The following CADPS2 variants were observed in gnomAD, a reference collection of about 807,000 sequenced individuals.
The protein encoded by CADPS2 is calcium dependent secretion activator 2, also known as calcium-dependent secretion activator 2.
Under a neutral mutation model 172.5 loss-of-function variants are expected in CADPS2, and 93 were observed. The ratio of observed to expected loss-of-function variants is 0.54; its 90% CI spans 0.46 to 0.64. The LOEUF is 0.64. CADPS2 is among the 30% of genes least tolerant of loss of function. CADPS2 has a pLI of 0.00. For synonymous variants in CADPS2, 546 were observed against 555.2 expected, an observed-to-expected ratio of 0.98 and a Z score of 0.23; for missense variants, 1,420 against 1,565.9, an observed-to-expected ratio of 0.91 and a Z score of 1.57.
chr7:122,658,748 G>T (rs987363598), intron 3 of CADPS2, among the ~76,000 whole-genome samples: 1 of 152,250 alleles, frequency 6.6e-6, no homozygotes, highest in Non-Finnish European at 1.5e-5. Flanking sequence ...GTGGACGAGT[G>T]GGGAGGGGAT....
intron 9 of CADPS2, 30 bp downstream of exon 9, chr7:122,513,219 G>A: frequency 6.8e-7 from 1 of 1,465,262 alleles, no homozygotes; most frequent in Non-Finnish European, 9.4e-7. Flanking sequence ...CTATCTTAGA[G>A]TGATTATTTA....
At chr7:122,709,023 A>G (rs2088170430) in intron 2 of CADPS2, among the ~76,000 whole-genome samples, 1 of 152,104 alleles carries the variant, frequency 6.6e-6, no homozygotes, top group Non-Finnish European at 1.5e-5. Flanking sequence ...TGTTTGAGGC[A>G]GTGGTGAATA....
chr7:122,552,775 G>GTTTTTTTTT (rs61517518), intron 8 of CADPS2, among the ~76,000 whole-genome samples: 8 of 137,096 alleles, frequency 5.8e-5, no homozygotes, highest in African/African-American at 2.7e-5. Context: ...ATAGGTTCCT[G>GTTTTTTTTT]TTTTTTTTTT....
At chr7:122,582,436 T>C (rs1022231545) in intron 6 of CADPS2, among the ~76,000 whole-genome samples, 4 of 152,020 alleles carry the variant, frequency 2.6e-5, no homozygotes, top group Admixed American at 6.6e-5. Context: ...GTCTTTTTTT[T>C]TGAAATATCA....
chr7:122,775,129 C>A (rs1363022200), intron 1 of CADPS2, among the ~76,000 whole-genome samples: 1 of 152,092 alleles, frequency 6.6e-6, no homozygotes, highest in South Asian at 2.1e-4. Context: ...TATATTCATT[C>A]TGGGTACACC....
chr7:122,591,299 A>C (rs1587654842), intron 6 of CADPS2, among the ~76,000 whole-genome samples: 1 of 152,174 alleles, frequency 6.6e-6, no homozygotes, highest in African/African-American at 2.4e-5. Context: ...GGAACTCTTC[A>C]AAGAGAACTT....
chr7:122,447,854 G>A (rs2152011882), intron 15 of CADPS2, among the ~76,000 whole-genome samples: 1 of 152,080 alleles, frequency 6.6e-6, no homozygotes, highest in East Asian at 1.9e-4. Context: ...CACCCAGCCA[G>A]TTTCAGGGAT....
At chr7:122,330,858 T>C (rs2034814668) in intron 28 of CADPS2, 2 of 152,234 alleles carry the variant, frequency 1.3e-5, no homozygotes, top group Non-Finnish European at 2.9e-5. Flanking sequence ...TTTATGCTAC[T>C]ATTTGCTGGA....
Position 122,737,062 on chromosome 7 carries a change from T to G in CADPS2, c.346A>C (p.Lys116Gln). 6.3e-7 allele frequency: 1 copy of G among 1,576,980 alleles called. No homozygotes were observed. Among genetic ancestry groups the G allele is most frequent in the East Asian group, 2.2e-5 (1 of 44,598 alleles). The change falls in exon 2 of 30, where the codon AAA becomes CAA. Residue 116 changes from lysine to glutamine, a missense_variant. Coordinates refer to ENST00000449022, the MANE Select transcript of CADPS2 (RefSeq NM_017954.11). ...DMARRQQKLN[K>Q]QQLQLLKERF... ...TCTTTCAGTAACTGCAACTGTTGTT[T>G]GTTAAGCTACAAGAAAAAGAGAAAA...
At chr7:122,548,811 G>T (rs957310662) in intron 8 of CADPS2, among the ~76,000 whole-genome samples, 4 of 152,108 alleles carry the variant, frequency 2.6e-5, no homozygotes, top group African/African-American at 9.7e-5. Flanking sequence ...CTCAGACATG[G>T]TTCAAAGCCC....
chr7:122,517,509 G>GTTACCA, intron 8 of CADPS2, among the ~76,000 whole-genome samples: 1 of 152,046 alleles, frequency 6.6e-6, no homozygotes, highest in South Asian at 2.1e-4. Flanking sequence ...ACCATTTTGA[G>GTTACCA]TTACCATCAG....
chr7:122,661,408 T>G (rs996099110), intron 3 of CADPS2, among the ~76,000 whole-genome samples: 2 of 152,094 alleles, frequency 1.3e-5, no homozygotes, highest in African/African-American at 4.8e-5. Context: ...TATTTTAAGT[T>G]AATAACATAA....
chr7:122,337,270 T>C (rs982779268), intron 28 of CADPS2, among the ~76,000 whole-genome samples: 2 of 152,198 alleles, frequency 1.3e-5, no homozygotes, highest in African/African-American at 4.8e-5. Flanking sequence ...GGTGCCTGTT[T>C]AAGCCTCTGT....
chr7:122,880,670 C>T (rs1822675920), intron 1 of CADPS2, among the ~76,000 whole-genome samples: 1 of 152,182 alleles, frequency 6.6e-6, no homozygotes. Flanking sequence ...CCTTGGGGTA[C>T]AACCTGGATA....
At chr7:122,877,536 G>A (rs1821513257) in intron 1 of CADPS2, among the ~76,000 whole-genome samples, 1 of 151,940 alleles carries the variant, frequency 6.6e-6, no homozygotes, top group South Asian at 2.1e-4. Flanking sequence ...CAACAATTAA[G>A]TAACATCAAT....
chr7:122,537,286 A>C (rs1171396424), intron 8 of CADPS2, among the ~76,000 whole-genome samples: 21 of 151,762 alleles, frequency 1.4e-4, no homozygotes. Flanking sequence ...ATACAAGCAA[A>C]AAAAAAACAA....
At chr7:122,496,788 A>G (rs985390100) in intron 9 of CADPS2, among the ~76,000 whole-genome samples, 1 of 152,130 alleles carries the variant, frequency 6.6e-6, no homozygotes, top group Non-Finnish European at 1.5e-5. Context: ...GTTTGCTTAA[A>G]AAGAGTGCAT....
At chr7:122,682,086 C>A (rs1324145068) in intron 2 of CADPS2, among the ~76,000 whole-genome samples, 2 of 152,120 alleles carry the variant, frequency 1.3e-5, no homozygotes, top group Non-Finnish European at 2.9e-5. Flanking sequence ...TTAAATTTCC[C>A]TAAGCCAACA....
intron 25 of CADPS2, among the ~76,000 whole-genome samples, chr7:122,372,718 A>T (rs1363859077): frequency 1.3e-5 from 2 of 152,256 alleles, no homozygotes; most frequent in Non-Finnish European, 2.9e-5. Flanking sequence ...TGATATAAAA[A>T]TGTCTACGAC....
Sources: gnomAD v4.1 joint callset for allele counts (sites outside exome capture counted in the v4.1 genomes callset) on GRCh38, gnomAD v4.1.1 for gene constraint, MANE v1.5 for transcripts, NCBI Gene and HGNC (gene_info 2026-07-23, HGNC 2026-07-21) for gene names.